The following NEGR1 variants were observed in gnomAD, a reference collection of about 807,000 sequenced individuals.
NEGR1 encodes the protein IgLON family member 4.
Under a neutral mutation model 40.9 loss-of-function variants are expected in NEGR1, and 10 were observed. That is an observed-to-expected ratio of 0.24 (90% confidence interval 0.15 to 0.42). The LOEUF (loss-of-function observed/expected upper bound fraction) is 0.42, where lower values mean the gene tolerates loss of function less well. Among genes scored for constraint, NEGR1 ranks in the 10% least tolerant of loss-of-function variants. The pLI is 1.00. For missense variants in NEGR1, 352 were observed against 438.9 expected (o/e 0.80, Z 1.77); for synonymous variants, 185 against 166.8 (o/e 1.11, Z -0.84).
At chr1:72,120,016 C>A (rs1382875254) in intron 1 of NEGR1, among the ~76,000 whole-genome samples, 1 of 151,918 alleles carries the variant, frequency 6.6e-6, no homozygotes, top group Non-Finnish European at 1.5e-5. Flanking sequence ...AATATGAAAT[C>A]TTGAGGCATA....
At chr1:71,841,945 C>T (rs1006998691) in intron 2 of NEGR1, among the ~76,000 whole-genome samples, 1 of 152,094 alleles carries the variant, frequency 6.6e-6, no homozygotes, top group Non-Finnish European at 1.5e-5. Context: ...ATTCCTTCAA[C>T]GTAAGTATCT....
chr1:72,162,032 T>C (rs952239876), intron 1 of NEGR1, among the ~76,000 whole-genome samples: 80 of 152,158 alleles, frequency 5.3e-4, no homozygotes, highest in East Asian at 5.8e-4. Context: ...ATGCTAAAAG[T>C]TACAGATTGG....
intron 4 of NEGR1, among the ~76,000 whole-genome samples, chr1:71,650,177 T>C (rs1474022515): frequency 6.6e-6 from 1 of 152,086 alleles, no homozygotes; most frequent in Non-Finnish European, 1.5e-5. Flanking sequence ...CTTATACTCT[T>C]AGAGGTGGAA....
At chr1:72,067,304 C>A (rs1440733289) in intron 1 of NEGR1, among the ~76,000 whole-genome samples, 2 of 152,008 alleles carry the variant, frequency 1.3e-5, no homozygotes, top group Non-Finnish European at 2.9e-5. Context: ...TTCCATTACC[C>A]TTAATGAGTG....
chr1:71,571,787 CAAAAAAAA>C (rs34844215), intron 6 of NEGR1, among the ~76,000 whole-genome samples: 13 of 106,520 alleles, frequency 1.2e-4, no homozygotes, highest in African/African-American at 4.4e-4. Context: ...GCCCCTGTCT[CAAAAAAAA>C]AAAAAAAAAA....
At chr1:71,644,752 T>G (rs900238049) in intron 4 of NEGR1, among the ~76,000 whole-genome samples, 4 of 151,888 alleles carry the variant, frequency 2.6e-5, no homozygotes, top group Non-Finnish European at 5.9e-5. Flanking sequence ...TGGAACAACA[T>G]TTATAAGAAG....
chr1:72,113,976 C>T (rs1343598409), intron 1 of NEGR1, among the ~76,000 whole-genome samples: 3 of 151,680 alleles, frequency 2.0e-5, no homozygotes, highest in Non-Finnish European at 4.4e-5. Context: ...TGTATAAACA[C>T]TTGTGTAATG....
intron 1 of NEGR1, among the ~76,000 whole-genome samples, chr1:72,172,585 C>T (rs972388300): frequency 2.0e-5 from 3 of 152,128 alleles, no homozygotes; most frequent in African/African-American, 7.2e-5. Context: ...GGTATTCTTT[C>T]CTTGTCAAGT....
intron 1 of NEGR1, among the ~76,000 whole-genome samples, chr1:72,280,247 C>T (rs1422598308): frequency 1.3e-5 from 2 of 152,138 alleles, no homozygotes; most frequent in Non-Finnish European, 2.9e-5. Context: ...ACATGGGTCT[C>T]CTGGAAGCAG....
chr1:71,971,058 T>C (rs1269296601), intron 1 of NEGR1, among the ~76,000 whole-genome samples: 1 of 152,118 alleles, frequency 6.6e-6, no homozygotes, highest in East Asian at 1.9e-4. Flanking sequence ...TAATGACTGA[T>C]GCCATTATAA....
chr1:71,753,012 T>C (rs1655620915), intron 3 of NEGR1, among the ~76,000 whole-genome samples: 1 of 152,174 alleles, frequency 6.6e-6, no homozygotes, highest in Non-Finnish European at 1.5e-5. Flanking sequence ...TAATGGTTAA[T>C]AGCTTCGGCT....
intron 6 of NEGR1, among the ~76,000 whole-genome samples, chr1:71,412,272 T>A (rs1216914333): frequency 6.6e-6 from 1 of 152,154 alleles, no homozygotes; most frequent in East Asian, 1.9e-4. Flanking sequence ...TGCAACCTCC[T>A]TAAGCCTAGA....
intron 1 of NEGR1, among the ~76,000 whole-genome samples, chr1:71,943,185 TAAAC>T (rs1471396014): frequency 1.3e-5 from 2 of 148,934 alleles, no homozygotes. Flanking sequence ...TGTATATTTA[TAAAC>T]AAACTATACA....
At chr1:71,920,286 ATGCGAGTTTATACATCTAAT>A (rs1341377567) in intron 2 of NEGR1, among the ~76,000 whole-genome samples, 1 of 152,186 alleles carries the variant, frequency 6.6e-6, no homozygotes, top group East Asian at 1.9e-4. Context: ...GAACAAGACA[ATGCGAGTTTATACATCTAAT>A]TGCTTATTCA....
chr1:71,774,441 A>G (rs576138407), intron 3 of NEGR1, among the ~76,000 whole-genome samples: 3 of 152,316 alleles, frequency 2.0e-5, no homozygotes, highest in South Asian at 4.1e-4. Context: ...TTATATAAAT[A>G]TATATTGCAG....
intron 6 of NEGR1, among the ~76,000 whole-genome samples, chr1:71,536,060 T>C (rs1379826027): frequency 1.3e-5 from 2 of 151,622 alleles, no homozygotes; most frequent in East Asian, 3.9e-4. Flanking sequence ...GAAGAAGAAA[T>C]TAAGCAGACT....
At chr1:72,129,087 T>G (rs78132694) in intron 1 of NEGR1, among the ~76,000 whole-genome samples, 1 of 152,190 alleles carries the variant, frequency 6.6e-6, no homozygotes, top group African/African-American at 2.4e-5. Flanking sequence ...TTCCTAGGTT[T>G]CCGGCTCACA....
At chr1:71,508,346 T>C (rs1197308446) in intron 6 of NEGR1, among the ~76,000 whole-genome samples, 3 of 152,160 alleles carry the variant, frequency 2.0e-5, no homozygotes, top group Non-Finnish European at 4.4e-5. Context: ...GGAAAAAGAC[T>C]GGTGGAAAGT....
intron 6 of NEGR1, among the ~76,000 whole-genome samples, chr1:71,492,491 T>TG (rs60659497): frequency 6.6e-6 from 1 of 151,178 alleles, no homozygotes; most frequent in Admixed American, 6.6e-5. Flanking sequence ...GTTTATTAAT[T>TG]CACAATCTCA....
Sources: gnomAD v4.1 joint callset for allele counts (sites outside exome capture counted in the v4.1 genomes callset) on GRCh38, gnomAD v4.1.1 for gene constraint, MANE v1.5 for transcripts, NCBI Gene and HGNC (gene_info 2026-07-23, HGNC 2026-07-21) for gene names.